PRMT7: variants seen among roughly 807,000 people sequenced by gnomAD.
The protein encoded by PRMT7 is protein arginine methyltransferase 7.
A neutral mutation model predicts 85.4 loss-of-function variants in PRMT7; 75 were observed. The ratio of observed to expected loss-of-function variants is 0.88; its 90% confidence interval spans 0.73 to 1.06. The LOEUF is 1.06. Ranked by LOEUF, PRMT7 falls within the 50% of genes least tolerant of loss-of-function variation. The pLI, the probability that PRMT7 is intolerant of heterozygous loss-of-function variation, is 0.00. For missense variants in PRMT7, 868 were observed against 915.2 expected, an observed-to-expected ratio of 0.95 and a Z score of 0.67; for synonymous variants, 397 against 359.5, an observed-to-expected ratio of 1.10 and a Z score of -1.18.
At chr16:68,352,048 C>T (rs1002056862) in intron 14 of PRMT7, 200 bp from the exon 15 acceptor site, 12 of 569,930 alleles carry the variant, frequency 2.1e-5, no homozygotes, top group African/African-American at 1.9e-4. Context: ...CACCTTGCTG[C>T]CTTGCTTGTT....
intron 4 of PRMT7, chr16:68,322,380 T>G: frequency 4.4e-6 from 2 of 451,500 alleles, no homozygotes; most frequent in South Asian, 3.1e-5. Context: ...GTATGTTTTG[T>G]AGAGGCAGAG....
Position 68,357,589 on chromosome 16 carries a change from C to T in PRMT7, c.*365C>T, listed in dbSNP as rs547256281. ...GTGGGGTTGTCCACGCCGCCCTTGG[C>T]GAGCAGTCCCCGTGGCGGGAGCCTG... On this transcript the variant is annotated 3_prime_UTR_variant, in exon 19 of 19. Coordinates refer to ENST00000441236, the MANE Select transcript of PRMT7 (RefSeq NM_019023.5). 8 of 204,938 alleles carry T rather than the reference C, an allele frequency of 3.9e-5. No homozygotes were observed. In the East Asian group the frequency reaches 5.2e-4, roughly 13 times the overall value. The allele number at this position is 204,938 out of a possible 1,614,324, so 12.7% of individuals were successfully genotyped here. A position where few individuals can be genotyped will look rare whatever the true frequency, so the allele number is the denominator to read the frequency against.
At chr16:68,315,732 T>C (rs2044652548) in intron 2 of PRMT7, 165 bp from the exon 3 acceptor site, 1 of 478,338 alleles carries the variant, frequency 2.1e-6, no homozygotes, top group Admixed American at 3.5e-5. Context: ...ACAATATCGA[T>C]TAACAAATAC....
intron 3 of PRMT7, among the ~76,000 whole-genome samples, chr16:68,319,578 T>C (rs2082245928): frequency 6.8e-6 from 1 of 147,128 alleles, no homozygotes; most frequent in Non-Finnish European, 1.5e-5. Flanking sequence ...ATATAAAACC[T>C]TGATGTGCCA....
At position 68,357,246 on chromosome 16, in the gene PRMT7, G is replaced by T; in HGVS notation, c.*22G>T. ...CTGACCACTCTTGAGCAATAAAGTG[G>T]CCTGAGGGCTGGGGTTCTGAGTGGC... On this transcript the variant is annotated 3_prime_UTR_variant, in exon 19 of 19. Transcript: ENST00000441236. The T allele has an allele frequency of 6.3e-7, 1 of 1,593,526 alleles. No individual in the cohort carries two copies. Among genetic ancestry groups the T allele is most frequent in the Admixed American group, 1.7e-5 (1 of 57,972 alleles).
intron 5 of PRMT7, among the ~76,000 whole-genome samples, chr16:68,327,796 G>A (rs1198691552): frequency 3.3e-5 from 5 of 151,938 alleles, no homozygotes; most frequent in Admixed American, 3.3e-4. Context: ...AAAAGTAGCT[G>A]GGCATGGTGA....
At position 68,357,615 on chromosome 16, in the gene PRMT7, T is replaced by C; in HGVS notation, c.*391T>C. On this transcript the variant is annotated 3_prime_UTR_variant, in exon 19 of 19. Coordinates refer to ENST00000441236, the MANE Select transcript of PRMT7 (RefSeq NM_019023.5). Reference sequence around the variant, plus strand: ...GAGCAGTCCCCGTGGCGGGAGCCTGTCCTGTCTGTCTCACTCTCGAGGATC... The same window carrying C: ...GAGCAGTCCCCGTGGCGGGAGCCTGCCCTGTCTGTCTCACTCTCGAGGATC... 1 of 183,616 alleles carries C rather than the reference T, an allele frequency of 5.4e-6. No homozygotes were observed. Among genetic ancestry groups the C allele is most frequent in the Non-Finnish European group, 1.1e-5 (1 of 88,464 alleles). The allele number at this position is 183,616 out of a possible 1,614,324, so 11.4% of individuals were successfully genotyped here.
Position 68,324,685 on chromosome 16 carries a change from T to G in PRMT7, c.135T>G (p.Asn45Lys). 6.2e-7 allele frequency: 1 copy of G among 1,614,200 alleles called. No homozygotes were observed. The highest frequency in any genetic ancestry group is 8.5e-7 in the Non-Finnish European group (1 of 1,179,976). ...YADMLHDKDRNVKYYQGIRAA... is the reference protein window; with the variant it reads ...YADMLHDKDRKVKYYQGIRAA... ...AGTGACGGCCATGTCTTCCTTAGAA[T>G]GTAAAATACTACCAAGGTATCCGGG... Residue 45 changes from asparagine to lysine, a missense_variant and splice_region_variant, in exon 5 of 19, where the codon AAT becomes AAG. Physicochemically the swap from Asn to Lys is moderately conservative, Grantham distance 94. Transcript: ENST00000441236.
Position 68,352,412 on chromosome 16 carries a change from A to C in PRMT7, c.1575+3A>C, listed in dbSNP as rs754943560. The C allele has an allele frequency of 6.3e-7, 1 of 1,587,650 alleles. No homozygotes were observed. Among genetic ancestry groups the C allele is most frequent in the East Asian group, 2.2e-5 (1 of 44,470 alleles). ...ACGCTGTGGTTGTGGAGTTCAGGGT[A>C]GGCCACCCAGGGGATGTTGGAGAAA... On this transcript the variant is annotated splice_donor_region_variant and intron_variant, in intron 15 of 18. Transcript: ENST00000441236.
chr16:68,334,206 T>G (rs2084332028), intron 6 of PRMT7, among the ~76,000 whole-genome samples: 1 of 152,248 alleles, frequency 6.6e-6, no homozygotes, highest in African/African-American at 2.4e-5. Context: ...TATTAACTAT[T>G]CCATTCCGTT....
intron 6 of PRMT7, among the ~76,000 whole-genome samples, chr16:68,334,823 G>A (rs1044075547): frequency 5.3e-5 from 8 of 151,730 alleles, no homozygotes; most frequent in Admixed American, 5.3e-4. Flanking sequence ...TTTTGAGACA[G>A]TCTCACTGTA....
chr16:68,321,425 G>C lies in PRMT7; in HGVS notation c.96-1G>C. 1 of 1,606,448 alleles carries C rather than the reference G, an allele frequency of 6.2e-7. No individual in the cohort carries two copies. On this transcript the variant is annotated splice_acceptor_variant, in intron 3 of 18. Coordinates refer to ENST00000441236, the MANE Select transcript of PRMT7 (RefSeq NM_019023.5). LOFTEE classifies it high-confidence loss of function. Reference sequence around the variant, plus strand: ...AGGTTACTGACTTTTTTGTTTTTTAGGTCATCTTATGCAGATATGCTACAT... The same window carrying C: ...AGGTTACTGACTTTTTTGTTTTTTACGTCATCTTATGCAGATATGCTACAT...
chr16:68,322,458 A>G, intron 4 of PRMT7: 1 of 446,520 alleles, frequency 2.2e-6, no homozygotes, highest in Non-Finnish European at 4.5e-6. Context: ...TTGGTCTCCC[A>G]AAGTGCTGGG....
chr16:68,319,959 C>T (rs1055422590), intron 3 of PRMT7, among the ~76,000 whole-genome samples: 1 of 152,120 alleles, frequency 6.6e-6, no homozygotes, highest in Admixed American at 6.6e-5. Flanking sequence ...ATTCTCCTCC[C>T]TTTACTACGG....
At chr16:68,351,440 TCAG>T (rs1332871863) in intron 14 of PRMT7, 1 of 151,740 alleles carries the variant, frequency 6.6e-6, no homozygotes, top group Non-Finnish European at 1.5e-5. Context: ...TTCGTGGTCC[TCAG>T]CAGCATCTTC....
rs574086937 is a variant in PRMT7, at chr16:68,339,355, G to A, written c.538G>A (p.Val180Ile). 12 of 1,614,182 alleles carry A rather than the reference G, an allele frequency of 7.4e-6. No homozygotes were observed. Among genetic ancestry groups the A allele is most frequent in the East Asian group, 6.7e-5 (3 of 44,886 alleles). The change falls in exon 8 of 19, where the codon GTC becomes ATC. Residue 180 changes from valine to isoleucine, a missense_variant. Coordinates refer to ENST00000441236, the MANE Select transcript of PRMT7 (RefSeq NM_019023.5). ...NCEAVPHRAT[V>I]YAQLVESGRM... ...TGAGGCCGTGCCCCACAGAGCCACC[G>A]TCTATGCACAGCTGGTGGAGTCCGG...
intron 6 of PRMT7, among the ~76,000 whole-genome samples, chr16:68,330,883 C>T (rs1193534658): frequency 2.0e-5 from 3 of 152,200 alleles, no homozygotes; most frequent in Non-Finnish European, 4.4e-5. Context: ...GTGTGAGCCA[C>T]CGCGCCCGGC....
chr16:68,348,458 G>A (rs769567828), intron 14 of PRMT7, 27 bp downstream of exon 14: 14 of 1,563,332 alleles, frequency 9.0e-6, no homozygotes, highest in South Asian at 5.6e-5. Flanking sequence ...TTTTGGCCAC[G>A]CTGGGCTGTG....
At chr16:68,344,935 C>CACACACACACACACACAT (rs1555563407) in intron 9 of PRMT7, among the ~76,000 whole-genome samples, 45 of 140,254 alleles carry the variant, frequency 3.2e-4, no homozygotes, top group African/African-American at 4.3e-4. Context: ...TGCATCTCTA[C>CACACACACACACACACAT]ACACACACAC....
Sources: allele counts gnomAD v4.1 joint callset (sites outside exome capture counted in the v4.1 genomes callset), GRCh38; gene constraint gnomAD v4.1.1; transcripts MANE v1.5; gene names NCBI Gene and HGNC (gene_info 2026-07-23, HGNC 2026-07-21).